Variants in CDC27 observed in about 807,000 individuals in gnomAD.
The protein encoded by CDC27 is cell division cycle 27.
A neutral mutation model predicts 109.7 loss-of-function variants in CDC27; 27 were observed. The observed-to-expected ratio is 0.25, with a 90% CI of 0.18 to 0.34. The LOEUF is 0.34. Ranked by LOEUF, CDC27 falls within the 10% of genes least tolerant of loss-of-function variation. CDC27 has a pLI of 1.00. For missense variants in CDC27, 579 were observed against 960.2 expected (o/e 0.60, Z 5.25); for synonymous variants, 266 against 333.9 (o/e 0.80, Z 2.22).
intron 4 of CDC27, chr17:47,159,636 C>T (rs2063432327): frequency 2.2e-6 from 1 of 457,382 alleles, no homozygotes; most frequent in South Asian, 2.3e-5. Context: ...GCAGTGGCCA[C>T]CTCCTTGGAG....
At chr17:47,151,372 T>C (rs2063146015) in intron 9 of CDC27, among the ~76,000 whole-genome samples, 1 of 152,234 alleles carries the variant, frequency 6.6e-6, no homozygotes, top group Non-Finnish European at 1.5e-5. Flanking sequence ...CTATAATCTA[T>C]TGAGTCCTTG....
chr17:47,121,374 C>A (rs2061978032), intron 18 of CDC27, among the ~76,000 whole-genome samples: 2 of 152,062 alleles, frequency 1.3e-5, no homozygotes, highest in Non-Finnish European at 2.9e-5. Context: ...AAGAATACTC[C>A]CTGCTAGTCC....
At chr17:47,170,222 A>G in intron 3 of CDC27, 180 bp from the exon 4 acceptor site, 1 of 443,198 alleles carries the variant, frequency 2.3e-6, no homozygotes, top group Non-Finnish European at 4.0e-6. Flanking sequence ...TTAAAGAGAT[A>G]GGGTCTTGCT....
chr17:47,122,287 G>GC (rs2062004128), intron 18 of CDC27, among the ~76,000 whole-genome samples, 157 bp downstream of exon 18: 1 of 151,476 alleles, frequency 6.6e-6, no homozygotes, highest in Admixed American at 6.6e-5. Context: ...GACTTTATAT[G>GC]CATTTTGTTA....
rs1477521844 is a variant in CDC27, at chr17:47,142,351, G to A, written c.1256C>T (p.Thr419Ile). 1 of 1,510,868 alleles carries A rather than the reference G, an allele frequency of 6.6e-7. No individual in the cohort carries two copies. The highest frequency in any genetic ancestry group is 9.2e-7 in the Non-Finnish European group (1 of 1,092,310). The allele number at this position is 1,510,868 out of a possible 1,614,324, so 93.6% of individuals were successfully genotyped here. The change falls in exon 11 of 19, where the codon ACT (threonine) becomes ATT (isoleucine). Residue 419 changes from threonine to isoleucine, a missense_variant. Coordinates refer to ENST00000066544, the MANE Select transcript of CDC27 (RefSeq NM_001256.6). Reference protein sequence around the residue: ...TKSKTNKGGITQPNINDSLEI... With the variant: ...TKSKTNKGGIIQPNINDSLEI... ...CAGGCTATCATTTATGTTAGGTTGA[G>A]TTATTCCTCCTTTATTAGTTTTACT... is the stretch of plus-strand genomic sequence containing the variant.
At chr17:47,139,208 A>G (rs772186610) in intron 12 of CDC27, among the ~76,000 whole-genome samples, 16 of 152,134 alleles carry the variant, frequency 1.1e-4, no homozygotes, top group South Asian at 2.1e-4. Flanking sequence ...AGAAAAGTCA[A>G]TATTTCCTTC....
At chr17:47,151,704 G>T in intron 9 of CDC27, 102 bp downstream of exon 9, 2 of 855,848 alleles carry the variant, frequency 2.3e-6, no homozygotes, top group Non-Finnish European at 3.4e-6. Flanking sequence ...ATTTACAGTA[G>T]TTATTCTAGA....
At chr17:47,146,467 GA>G (rs1298725511) in intron 9 of CDC27, among the ~76,000 whole-genome samples, 3 of 152,172 alleles carry the variant, frequency 2.0e-5, no homozygotes, top group Non-Finnish European at 4.4e-5. Context: ...CAAAGCTGGG[GA>G]AAGTATTACT....
At chr17:47,145,303 A>C (rs761253109) in intron 9 of CDC27, among the ~76,000 whole-genome samples, 2 of 152,234 alleles carry the variant, frequency 1.3e-5, no homozygotes, top group South Asian at 4.1e-4. Context: ...AAGCCAAAGC[A>C]GCCAGAATTT....
At chr17:47,149,094 A>G (rs1298198209) in intron 9 of CDC27, among the ~76,000 whole-genome samples, 1 of 151,602 alleles carries the variant, frequency 6.6e-6, no homozygotes, top group African/African-American at 2.4e-5. Context: ...AAAAAAAAAA[A>G]AAGAAAAAGA....
rs1567713148 is a variant in CDC27, at chr17:47,175,017, AAGAAAGAG to A, written c.104-2961_104-2954del. Among the ~76,000 whole-genome samples the A allele has an allele frequency of 1.0e-4, 15 of 148,314 alleles. No individual in the cohort carries two copies. In the South Asian group the frequency reaches 3.2e-3, roughly 32 times the overall value. ...GGAAAGGAAAGGAGAGAGAGAAAGA[AAGAAAGAG>A]AGAAAGAGAGAGAGAGGAAGGAAGG... On this transcript the variant is annotated intron_variant, in intron 2 of 18. Transcript: ENST00000066544.
In CDC27 at chr17:47,120,729, G is replaced by T; in HGVS notation, c.*206C>A. Reference sequence around the variant, plus strand: ...CCCCCATAAATTGTCATTCATACTGGTAAAAGAGCCAGTCTTGTTAGCAGC... The same window carrying T: ...CCCCCATAAATTGTCATTCATACTGTTAAAAGAGCCAGTCTTGTTAGCAGC... On this transcript the variant is annotated 3_prime_UTR_variant, in exon 19 of 19. Transcript: ENST00000066544. 1 of 470,150 alleles carries T rather than the reference G, an allele frequency of 2.1e-6. No homozygotes were observed. The highest frequency in any genetic ancestry group is 3.8e-6 in the Non-Finnish European group (1 of 262,364). 29.1% of individuals were successfully genotyped at this position (470,150 alleles called of 1,614,324 possible).
intron 9 of CDC27, among the ~76,000 whole-genome samples, chr17:47,150,687 G>T (rs2063127345): frequency 6.6e-6 from 1 of 152,074 alleles, no homozygotes; most frequent in Non-Finnish European, 1.5e-5. Context: ...ACTAATATAG[G>T]CAATTAAGGA....
At chr17:47,182,276 A>C (rs2064272152) in intron 1 of CDC27, among the ~76,000 whole-genome samples, 1 of 152,220 alleles carries the variant, frequency 6.6e-6, no homozygotes, top group African/African-American at 2.4e-5. Flanking sequence ...TAATTTTTTG[A>C]ATATATGTTT....
At chr17:47,136,588 G>A (rs2062602922) in intron 14 of CDC27, among the ~76,000 whole-genome samples, 1 of 152,144 alleles carries the variant, frequency 6.6e-6, no homozygotes, top group Admixed American at 6.5e-5. Flanking sequence ...ATCTTATTCA[G>A]TTGATAACAA....
rs201447460 is a variant in CDC27 at position 47,151,843 on chromosome 17, T to C, written c.1033A>G (p.Ile345Val). 1.9e-6 allele frequency: 3 copies of C among 1,606,470 alleles called. No individual in the cohort carries two copies. Among genetic ancestry groups the C allele is most frequent in the East Asian group, 2.2e-5 (1 of 44,590 alleles). Residue 345 changes from isoleucine (I) to valine (V), a missense_variant, in exon 9 of 19, where the codon ATT (isoleucine) becomes GTT (valine). Ile to Val is a conservative substitution (Grantham distance 29, BLOSUM62 3). This residue lies in a region of CDC27 where 74 missense variants were observed against 148.9 expected (regional missense o/e 0.50). Coordinates refer to ENST00000066544, the MANE Select transcript of CDC27 (RefSeq NM_001256.6). ...QSGNSREVTP[I>V]LAQTQSSGPQ... ...CCAGAACTTTGTGTTTGTGCAAGAA[T>C]TGGAGTTACCTCTCGGCTATTTCCA...
At chr17:47,167,745 G>A (rs1395172586) in intron 4 of CDC27, among the ~76,000 whole-genome samples, 1 of 152,038 alleles carries the variant, frequency 6.6e-6, no homozygotes, top group African/African-American at 2.4e-5. Context: ...AGCATCAAAC[G>A]CCAGCTGAAT....
In CDC27 at chr17:47,181,655, A is replaced by G; in HGVS notation, c.28-18T>C. The G allele has an allele frequency of 1.3e-6, 2 of 1,507,450 alleles. No individual in the cohort carries two copies. Among genetic ancestry groups the G allele is most frequent in the Non-Finnish European group, 1.8e-6 (2 of 1,087,708 alleles). The allele number at this position is 1,507,450 out of a possible 1,614,324, so 93.4% of individuals were successfully genotyped here. On this transcript the variant is annotated intron_variant, in intron 1 of 18. Coordinates refer to ENST00000066544, the MANE Select transcript of CDC27 (RefSeq NM_001256.6). ...ATAGCAGCCTGCAAATGGAGGAAAAAGAACATAAATATACATACATACAGA... is the reference window on the plus strand; with the variant it reads ...ATAGCAGCCTGCAAATGGAGGAAAAGGAACATAAATATACATACATACAGA...
intron 2 of CDC27, among the ~76,000 whole-genome samples, 158 bp from the exon 3 acceptor site, chr17:47,172,222 G>A (rs2063833093): frequency 6.6e-6 from 1 of 152,062 alleles, no homozygotes. Context: ...TGGAGAAACG[G>A]TTTGCTTATA....
Sources: gnomAD v4.1 joint callset for allele counts (sites outside exome capture counted in the v4.1 genomes callset) on GRCh38, gnomAD v4.1.1 for gene constraint, gnomAD v4.1.1 regional missense constraint, MANE v1.5 for transcripts, NCBI Gene and HGNC (gene_info 2026-07-23, HGNC 2026-07-21) for gene names.